LSS: variants seen among roughly 807,000 people sequenced by gnomAD.
LSS encodes the protein 2,3-epoxysqualene-lanosterol cyclase.
LSS carries 90 observed loss-of-function variants against 110.3 expected under a neutral mutation model. The ratio of observed to expected loss-of-function variants is 0.82; its 90% CI spans 0.69 to 0.97. The LOEUF (loss-of-function observed/expected upper bound fraction) is 0.97. LSS is among the 50% of genes least tolerant of loss of function. LSS has a pLI of 0.00. For synonymous variants in LSS, 433 were observed against 400.0 expected (o/e 1.08, Z -0.98); for missense variants, 927 against 990.0 (o/e 0.94, Z 0.85).
intron 4 of LSS, 100 bp from the exon 5 acceptor site, chr21:46,222,075 T>C: frequency 7.1e-7 from 1 of 1,402,542 alleles, no homozygotes; most frequent in South Asian, 1.3e-5. Flanking sequence ...CTAAGAATGC[T>C]AAAATGCCTT....
At chr21:46,208,901 G>C (rs556206057) in intron 13 of LSS, among the ~76,000 whole-genome samples, 1 of 152,218 alleles carries the variant, frequency 6.6e-6, no homozygotes, top group African/African-American at 2.4e-5. Flanking sequence ...AAGCCCTGCA[G>C]AACAATGTCC....
At chr21:46,195,256 T>G (rs1328279634) in intron 19 of LSS, among the ~76,000 whole-genome samples, 3 of 152,206 alleles carry the variant, frequency 2.0e-5, no homozygotes, top group African/African-American at 7.2e-5. Flanking sequence ...CATCTTCATT[T>G]CAACCGGGGA....
At chr21:46,217,395 TC>T (rs542575932) in intron 6 of LSS, among the ~76,000 whole-genome samples, 49 of 152,098 alleles carry the variant, frequency 3.2e-4, no homozygotes, top group Non-Finnish European at 6.5e-4. Context: ...GTGTTTTCTC[TC>T]CCTTTCCCTG....
At chr21:46,191,814 G>A (rs1342133995) in intron 21 of LSS, 67 bp downstream of exon 21, 12 of 1,358,084 alleles carry the variant, frequency 8.8e-6, no homozygotes, top group Admixed American at 3.7e-5. Flanking sequence ...GCAGGGGGAC[G>A]TGGAAACAGC....
intron 11 of LSS, among the ~76,000 whole-genome samples, chr21:46,212,164 G>C (rs1256051744): frequency 1.3e-5 from 2 of 152,218 alleles, no homozygotes; most frequent in African/African-American, 4.8e-5. Flanking sequence ...ACAAAACACG[G>C]ACAGTGTCCG....
intron 17 of LSS, among the ~76,000 whole-genome samples, chr21:46,197,733 C>T (rs891088938): frequency 6.6e-6 from 1 of 151,910 alleles, no homozygotes; most frequent in African/African-American, 2.4e-5. Context: ...ACTAAAAATA[C>T]AAAAAATTAG....
intron 20 of LSS, chr21:46,193,795 A>G (rs1277978556): frequency 2.6e-6 from 1 of 390,150 alleles, no homozygotes; most frequent in African/African-American, 2.2e-5. Context: ...TGTGGCACAG[A>G]TGGGATCCTG....
chr21:46,201,035 G>A (rs924304590), intron 17 of LSS, among the ~76,000 whole-genome samples: 1 of 144,412 alleles, frequency 6.9e-6, no homozygotes, highest in African/African-American at 2.7e-5. Flanking sequence ...TGGATCATGT[G>A]GGAGGACAGG....
At chr21:46,217,479 C>T (rs1384950163) in intron 6 of LSS, among the ~76,000 whole-genome samples, 2 of 152,178 alleles carry the variant, frequency 1.3e-5, no homozygotes, top group Admixed American at 1.3e-4. Flanking sequence ...CAATGCTGAG[C>T]CTTCCCTGCT....
intron 3 of LSS, among the ~76,000 whole-genome samples, chr21:46,223,840 G>C (rs2080305912): frequency 6.6e-6 from 1 of 152,208 alleles, no homozygotes; most frequent in African/African-American, 2.4e-5. Context: ...CAGCGTCTGG[G>C]AAGACGCCCG....
intron 11 of LSS, among the ~76,000 whole-genome samples, chr21:46,211,669 C>A (rs1355780496): frequency 6.6e-6 from 1 of 152,148 alleles, no homozygotes; most frequent in Non-Finnish European, 1.5e-5. Context: ...AGGGACAAGG[C>A]AGGGACCACC....
intron 14 of LSS, 98 bp from the exon 15 acceptor site, chr21:46,207,675 C>G: frequency 7.1e-7 from 1 of 1,399,534 alleles, no homozygotes; most frequent in South Asian, 1.3e-5. Flanking sequence ...CCACAGAGCA[C>G]CCGGTCAGGG....
intron 6 of LSS, among the ~76,000 whole-genome samples, chr21:46,219,274 T>C (rs1294863294): frequency 6.6e-6 from 1 of 152,160 alleles, no homozygotes; most frequent in Admixed American, 6.5e-5. Context: ...GCCTTCTTCC[T>C]GCTCAATTGG....
In LSS at chr21:46,191,125, T is replaced by C. The variant is rs1294451240; in HGVS notation, c.2178A>G (p.Arg726=). The change falls in exon 22 of 22, where the codon AGA becomes AGG. Residue 726 remains arginine, a synonymous_variant. Transcript: ENST00000397728. ...LGRFSQLYPE[R]ALAGHP ...GTTCTCAGGGGTGGCCAGCAAGGGCTCTCTCAGGGTACAGCTGGGAGAAGC... is the reference window on the plus strand; with the variant it reads ...GTTCTCAGGGGTGGCCAGCAAGGGCCCTCTCAGGGTACAGCTGGGAGAAGC... 1 of 1,614,018 alleles carries C rather than the reference T, an allele frequency of 6.2e-7. No individual in the cohort carries two copies. Among genetic ancestry groups the C allele is most frequent in the East Asian group, 2.2e-5 (1 of 44,862 alleles).
chr21:46,227,416 G>T, intron 3 of LSS, 136 bp downstream of exon 3: 1 of 1,079,196 alleles, frequency 9.3e-7, no homozygotes, highest in Non-Finnish European at 1.3e-6. Context: ...CTGACATAGG[G>T]CAGAGTTTGC....
At chr21:46,195,583 CA>C (rs2079898331) in intron 19 of LSS, 92 bp downstream of exon 19, 8 of 1,192,158 alleles carry the variant, frequency 6.7e-6, no homozygotes, top group East Asian at 2.4e-5. Flanking sequence ...AACAAACAAA[CA>C]AACCCTAAAA....
At position 46,213,819 on chromosome 21, in the gene LSS, T is replaced by C. The variant is rs769737040; in HGVS notation, c.1028A>G (p.Asn343Ser). 1.9e-6 allele frequency: 3 copies of C among 1,613,774 alleles called. No individual in the cohort carries two copies. Among genetic ancestry groups the C allele is most frequent in the South Asian group, 1.1e-5 (1 of 91,030 alleles). Residue 343 changes from asparagine (N) to serine (S), a missense_variant, in exon 10 of 22, where the codon AAC becomes AGC. Physicochemically the swap from Asn to Ser is conservative, Grantham distance 46 (BLOSUM62 1). Transcript: ENST00000397728. Reference sequence around the variant, plus strand: ...GTCCACATACCAGCGCACAAGCATGTTGATGGTTTTCGAGATCTGCAGGAG... The same window carrying C: ...GTCCACATACCAGCGCACAAGCATGCTGATGGTTTTCGAGATCTGCAGGAG... ...ISIGPISKTI[N>S]MLVRWYVDGP...
At chr21:46,211,078 C>T (rs193074164) in intron 11 of LSS, among the ~76,000 whole-genome samples, 9 of 152,352 alleles carry the variant, frequency 5.9e-5, no homozygotes, top group Non-Finnish European at 1.3e-4. Flanking sequence ...CAGCTGCTCT[C>T]ACCCAATGAC....
Position 46,191,176 on chromosome 21 carries a change from GT to G in LSS, c.2126del (p.Asn709ThrfsTer52), listed in dbSNP as rs1569013579. On this transcript the variant is annotated frameshift_variant, in exon 22 of 22. Coordinates refer to ENST00000397728, the MANE Select transcript of LSS (RefSeq NM_002340.6). LOFTEE classifies it high-confidence loss of function. The stretch of plus-strand genomic sequence containing the variant: ...GGCCGAGGGCCCAGATGGGGAAGAT[GT>G]TCCTGTAGCTCGTGTAGGAGATGGC... ...SCAISYTSYRNIFPIWALGRF... is the reference protein window; with the variant it reads ...SCAISYTSYRXIFPIWALGRF... 2 of 1,614,142 alleles carry G rather than the reference GT, an allele frequency of 1.2e-6. No individual in the cohort carries two copies. Among genetic ancestry groups the G allele is most frequent in the Non-Finnish European group, 8.5e-7 (1 of 1,179,980 alleles).
Sources: gnomAD v4.1 joint callset for allele counts (sites outside exome capture counted in the v4.1 genomes callset) on GRCh38, gnomAD v4.1.1 for gene constraint, MANE v1.5 for transcripts, NCBI Gene and HGNC (gene_info 2026-07-23, HGNC 2026-07-21) for gene names.